Variants in NEDD1 observed in about 807,000 individuals in gnomAD.
NEDD1 encodes the protein NEDD1 gamma-tubulin ring complex targeting factor.
In NEDD1, 33 loss-of-function variants were observed where a neutral mutation model predicts 74.0. That is an observed-to-expected ratio of 0.45 (90% CI 0.34 to 0.60). The LOEUF (loss-of-function observed/expected upper bound fraction) is 0.60. Ranked by LOEUF, NEDD1 falls within the 20% of genes least tolerant of loss-of-function variation. The pLI is 0.01. For synonymous variants in NEDD1, 250 were observed against 264.4 expected (o/e 0.95, Z 0.53); for missense variants, 746 against 776.5 (o/e 0.96, Z 0.47).
At chr12:96,927,259 G>T (rs1875816383) in intron 6 of NEDD1, among the ~76,000 whole-genome samples, 1 of 152,200 alleles carries the variant, frequency 6.6e-6, no homozygotes, top group East Asian at 1.9e-4. Context: ...TGATAGGAAT[G>T]TGGAATCTCA....
intron 2 of NEDD1, among the ~76,000 whole-genome samples, chr12:96,908,905 G>A (rs2888021): frequency 0.39 from 58,699 of 152,008 alleles, 12,167 homozygotes; most frequent in East Asian, 0.51. Flanking sequence ...GGCTGGGCAC[G>A]GTGGCTCACG....
At chr12:96,949,956 C>T (rs1417820501) in intron 14 of NEDD1, among the ~76,000 whole-genome samples, 1 of 151,796 alleles carries the variant, frequency 6.6e-6, no homozygotes, top group Admixed American at 6.6e-5. Context: ...TAATGCACTG[C>T]CTATAAAAAT....
chr12:96,927,447 A>T (rs1031980410), intron 6 of NEDD1, among the ~76,000 whole-genome samples: 1 of 152,234 alleles, frequency 6.6e-6, no homozygotes, highest in Non-Finnish European at 1.5e-5. Context: ...CTGACAGACT[A>T]CTTAGGTTAT....
rs1356266306 is a variant in NEDD1 at position 96,942,570 on chromosome 12, G to T, written c.1247-7G>T. ...GTTTTAAAATTTGATTTTCTAATTT[G>T]TTATAGATGCTGTAGTTAACAAGGG... On this transcript the variant is annotated splice_region_variant and splice_polypyrimidine_tract_variant and intron_variant, in intron 10 of 15. Transcript: ENST00000266742. The T allele has an allele frequency of 7.0e-7, 1 of 1,427,870 alleles. No homozygotes were observed. Among genetic ancestry groups the T allele is most frequent in the Middle Eastern group, 1.8e-4 (1 of 5,658 alleles). The allele number at this position is 1,427,870 out of a possible 1,614,324, so 88.5% of individuals were successfully genotyped here.
At chr12:96,934,805 T>C (rs1876917703) in intron 6 of NEDD1, among the ~76,000 whole-genome samples, 171 bp from the exon 7 acceptor site, 1 of 152,180 alleles carries the variant, frequency 6.6e-6, no homozygotes, top group Non-Finnish European at 1.5e-5. Context: ...CCCAAAGTGC[T>C]GGGATTACAG....
chr12:96,931,911 T>A (rs186941281), intron 6 of NEDD1, among the ~76,000 whole-genome samples: 1,817 of 152,182 alleles, frequency 0.012, 15 homozygotes, highest in East Asian at 0.033. Flanking sequence ...ATAAAAAAAA[T>A]TTTTTTCTAT....
Position 96,942,762 on chromosome 12 carries a change from T to G in NEDD1, c.1294+138T>G, listed in dbSNP as rs541342860. 12 of 598,450 alleles carry G rather than the reference T, an allele frequency of 2.0e-5. No homozygotes were observed. The East Asian group carries it at 2.2e-4, about 11-fold the overall frequency. 37.1% of individuals were successfully genotyped at this position (598,450 alleles called of 1,614,324 possible). ...CTCATAATTTCTGTGTATTAAGAACTGAGCATGACTTGGCTGAGTACCTTT... is the reference window on the plus strand; with the variant it reads ...CTCATAATTTCTGTGTATTAAGAACGGAGCATGACTTGGCTGAGTACCTTT... On this transcript the variant is annotated intron_variant, in intron 11 of 15. Transcript: ENST00000266742.
chr12:96,944,718 A>C lies in NEDD1; in HGVS notation c.1577A>C (p.Glu526Ala), dbSNP rs1324425411. 2.5e-6 allele frequency: 4 copies of C among 1,601,404 alleles called. No homozygotes were observed. Among genetic ancestry groups the C allele is most frequent in the Non-Finnish European group, 3.4e-6 (4 of 1,174,030 alleles). ...SPSSNQTRNS[E>A]KFEKPENEIE... ...TCATCTAACCAAACAAGAAATTCTG[A>C]GAAATTTGAAAAGCCAGAGAATGAA... Residue 526 changes from glutamate to alanine, a missense_variant, in exon 13 of 16, where the codon GAG (glutamate) becomes GCG (alanine). Coordinates refer to ENST00000266742, the MANE Select transcript of NEDD1 (RefSeq NM_152905.4).
Position 96,944,829 on chromosome 12 carries a change from G to A in NEDD1, c.1654+34G>A, listed in dbSNP as rs116057209. The A allele has an allele frequency of 1.0e-3, 1,466 of 1,448,826 alleles. 17 individuals are homozygous for A. In the African/African-American group the frequency reaches 0.02, roughly 19 times the overall value. The allele number at this position is 1,448,826 out of a possible 1,614,324, so 89.7% of individuals were successfully genotyped here. A position where few individuals can be genotyped will look rare whatever the true frequency, so the allele number is the denominator to read the frequency against. ...ATGAAACTTCCTGATGTTTGAAAGT[G>A]TTTGATTGAAAAATCATCCCCATTA... On this transcript the variant is annotated intron_variant, in intron 13 of 15. Coordinates refer to ENST00000266742, the MANE Select transcript of NEDD1 (RefSeq NM_152905.4).
intron 3 of NEDD1, among the ~76,000 whole-genome samples, chr12:96,911,602 C>A (rs1873925706): frequency 6.6e-6 from 1 of 152,244 alleles, no homozygotes; most frequent in Admixed American, 6.5e-5. Flanking sequence ...AACTTACGTT[C>A]CTCACTTTCT....
chr12:96,915,932 T>G (rs1450877012), intron 4 of NEDD1, among the ~76,000 whole-genome samples: 2 of 152,196 alleles, frequency 1.3e-5, no homozygotes, highest in East Asian at 3.8e-4. Context: ...CAAGTTACAT[T>G]AGGTAGCCAA....
chr12:96,944,925 CTTCTG>C, intron 13 of NEDD1, 130 bp downstream of exon 13: 1 of 601,156 alleles, frequency 1.7e-6, no homozygotes, highest in Non-Finnish European at 2.8e-6. Context: ...TTTGTGGACA[CTTCTG>C]TTGTGTGAGT....
chr12:96,941,504 A>G (rs1186648138), intron 10 of NEDD1, among the ~76,000 whole-genome samples: 2 of 152,088 alleles, frequency 1.3e-5, no homozygotes, highest in African/African-American at 4.8e-5. Context: ...GATGAAGAGA[A>G]GTCGAACTAC....
intron 5 of NEDD1, among the ~76,000 whole-genome samples, chr12:96,919,188 G>A (rs1874793849): frequency 6.6e-6 from 1 of 152,124 alleles, no homozygotes; most frequent in Non-Finnish European, 1.5e-5. Flanking sequence ...TTTAAAACCT[G>A]AAAGTTTTAC....
rs73370523 is a variant in NEDD1, at chr12:96,945,950, G to T, written c.1811+101G>T. On this transcript the variant is annotated intron_variant, in intron 14 of 15. Coordinates refer to ENST00000266742, the MANE Select transcript of NEDD1 (RefSeq NM_152905.4). Reference sequence around the variant, plus strand: ...TAATGTTGTTGGTTACTATTGTCTAGGTTCTGGTAATCCTAAAGCCATAGA... The same window carrying T: ...TAATGTTGTTGGTTACTATTGTCTATGTTCTGGTAATCCTAAAGCCATAGA... The T allele has an allele frequency of 3.7e-4, 262 of 699,082 alleles. No homozygotes were observed. In the African/African-American group the frequency reaches 4.5e-3, roughly 12 times the overall value. 43.3% of individuals were successfully genotyped at this position (699,082 alleles called of 1,614,324 possible).
chr12:96,939,862 C>A (rs998346221), intron 9 of NEDD1, among the ~76,000 whole-genome samples: 3 of 151,994 alleles, frequency 2.0e-5, no homozygotes, highest in Admixed American at 2.0e-4. Flanking sequence ...CATTTGAGAT[C>A]TGTAATGCTG....
intron 3 of NEDD1, among the ~76,000 whole-genome samples, chr12:96,910,690 C>T (rs1402409765): frequency 1.3e-5 from 2 of 152,154 alleles, no homozygotes; most frequent in African/African-American, 4.8e-5. Flanking sequence ...GTTGTGACAA[C>T]CCAAAACGTT....
chr12:96,917,364 C>T (rs1234296211), intron 4 of NEDD1, among the ~76,000 whole-genome samples: 1 of 152,132 alleles, frequency 6.6e-6, no homozygotes, highest in East Asian at 1.9e-4. Flanking sequence ...TTCTAAGCTT[C>T]CTGTGTCGTC....
chr12:96,940,508 T>C lies in NEDD1; in HGVS notation c.1217T>C (p.Leu406Ser). ...SSFDDTGKSS[L>S]GDMFSPIRDD... ...TTTGATGATACTGGGAAAAGTAGTT[T>C]AGGTGACATGTTCTCACCTATCAGA... Residue 406 changes from leucine to serine, a missense_variant, in exon 10 of 16, where the codon TTA becomes TCA. By Grantham distance (145) the Leu-to-Ser change is moderately radical. Around this residue, in one of 3 missense-constraint regions of NEDD1, gnomAD observed 706 missense variants for 706.7 expected, o/e 1.00. Transcript: ENST00000266742. 1.2e-6 allele frequency: 2 copies of C among 1,606,798 alleles called. No individual in the cohort carries two copies. Among genetic ancestry groups the C allele is most frequent in the Middle Eastern group, 1.7e-4 (1 of 6,036 alleles).
Sources: allele counts gnomAD v4.1 joint callset (sites outside exome capture counted in the v4.1 genomes callset), GRCh38; gene constraint gnomAD v4.1.1; regional missense constraint gnomAD v4.1.1; transcripts MANE v1.5; gene names NCBI Gene and HGNC (gene_info 2026-07-23, HGNC 2026-07-21).